The following ACTN3 variants were observed in gnomAD, a reference collection of about 807,000 sequenced individuals.
ACTN3 encodes alpha-actinin-3.
In ACTN3, 91 loss-of-function variants were observed where a neutral mutation model predicts 119.6. The observed-to-expected ratio is 0.76, with a 90% CI of 0.64 to 0.91. The LOEUF is 0.91. Ranked by LOEUF, ACTN3 falls within the 40% of genes least tolerant of loss-of-function variation. ACTN3 has a pLI of 0.00. For synonymous variants in ACTN3, 456 were observed against 478.8 expected, an observed-to-expected ratio of 0.95 and a Z score of 0.62; for missense variants, 1,221 against 1,215.1, an observed-to-expected ratio of 1.00 and a Z score of -0.07.
At chr11:66,559,078 C>T in intron 11 of ACTN3, 158 bp from the exon 12 acceptor site, 2 of 698,762 alleles carry the variant, frequency 2.9e-6, no homozygotes, top group South Asian at 5.5e-5. Flanking sequence ...AGGACTTTCA[C>T]CTACGTTATT....
At position 66,551,583 on chromosome 11, in the gene ACTN3, C is replaced by G; in HGVS notation, c.318C>G (p.Asn106Lys). ...KGKMRFHKIA[N>K]VNKALDFIAS... The stretch of plus-strand genomic sequence containing the variant: ...AGATGCGCTTCCACAAAATCGCCAA[C>G]GTTAACAAGGCCCTGGACTTCATTG... Residue 106 changes from asparagine to lysine, a missense_variant, in exon 3 of 21, where the codon AAC (asparagine) becomes AAG (lysine). Coordinates refer to ENST00000513398, the MANE Select transcript of ACTN3 (RefSeq NM_001104.4). The G allele has an allele frequency of 6.2e-7, 1 of 1,614,084 alleles. No individual in the cohort carries two copies. Among genetic ancestry groups the G allele is most frequent in the African/African-American group, 1.3e-5 (1 of 75,038 alleles).
rs972128921 is a variant in ACTN3 at position 66,554,126 on chromosome 11, T to C, written c.464T>C (p.Val155Ala). The C allele has an allele frequency of 1.3e-5, 21 of 1,613,408 alleles. No homozygotes were observed. The highest frequency in any genetic ancestry group is 8.3e-5 in the Admixed American group (5 of 59,940). Residue 155 changes from valine (V) to alanine (A), a missense_variant, in exon 4 of 21, where the codon GTG (valine) becomes GCG (alanine). Physicochemically the swap from Val to Ala is moderately conservative, Grantham distance 64 (BLOSUM62 0). Around this residue, in one of 3 missense-constraint regions of ACTN3, gnomAD observed 239 missense variants for 231.8 expected, o/e 1.03. Coordinates refer to ENST00000513398, the MANE Select transcript of ACTN3 (RefSeq NM_001104.4). ...ILRFAIQDISVEETSAKEGLL... is the reference protein window; with the variant it reads ...ILRFAIQDISAEETSAKEGLL... The stretch of plus-strand genomic sequence containing the variant: ...CGCTTCGCCATCCAGGACATCTCTG[T>C]GGAAGGTGAGCAATGGGAAAGGAGG...
In ACTN3 at chr11:66,551,307, T is replaced by C; in HGVS notation, c.216T>C (p.Asp72=). The C allele has an allele frequency of 6.2e-7, 1 of 1,612,188 alleles. No individual in the cohort carries two copies. The highest frequency in any genetic ancestry group is 8.5e-7 in the Non-Finnish European group (1 of 1,179,146). The change falls in exon 2 of 21, where the codon GAT becomes GAC. Residue 72 remains aspartate (D), a synonymous_variant. Coordinates refer to ENST00000513398, the MANE Select transcript of ACTN3 (RefSeq NM_001104.4). The part of the protein sequence containing the change: ...AGTQIENIEE[D]FRNGLKLMLL... Reference sequence around the variant, plus strand: ...CCCAGATCGAGAACATCGAGGAAGATTTCCGCAATGGCCTCAAACTCATGC... The same window carrying C: ...CCCAGATCGAGAACATCGAGGAAGACTTCCGCAATGGCCTCAAACTCATGC...
chr11:66,547,397 G>T (rs936378439), intron 1 of ACTN3, among the ~76,000 whole-genome samples: 1 of 141,308 alleles, frequency 7.1e-6, no homozygotes, highest in African/African-American at 3.1e-5. Context: ...CCAAGTTAGG[G>T]GGGGTTCAGA....
At chr11:66,559,464 T>A (rs1857691031) in intron 12 of ACTN3, 78 bp downstream of exon 12, 3 of 1,336,206 alleles carry the variant, frequency 2.2e-6, no homozygotes, top group Admixed American at 3.4e-5. Flanking sequence ...TGATCCCCAT[T>A]GCCCTTCTCA....
Position 66,562,335 on chromosome 11 carries a change from CA to C in ACTN3, c.2388+14del. On this transcript the variant is annotated intron_variant, in intron 19 of 20. Transcript: ENST00000513398. ...GGGCTATGACCTGGTGAGAGCTCCC[CA>C]GCTCCTTCCCAGGAGTCCCAAAGTA... 1 of 1,612,020 alleles carries C rather than the reference CA, an allele frequency of 6.2e-7. No individual in the cohort carries two copies. Among genetic ancestry groups the C allele is most frequent in the East Asian group, 2.2e-5 (1 of 44,878 alleles).
chr11:66,552,351 C>G (rs1391224034), intron 3 of ACTN3, among the ~76,000 whole-genome samples: 2 of 148,712 alleles, frequency 1.3e-5, no homozygotes, highest in Non-Finnish European at 3.0e-5. Flanking sequence ...GCCTGGGTGA[C>G]AGAGCTAGAC....
chr11:66,563,274 G>C lies in ACTN3; in HGVS notation c.*81G>C, dbSNP rs977617701. Reference sequence around the variant, plus strand: ...ATCCCATCCGTCCCTCGGAGCAAGGGCCTAAGAGAAAAGCCAGCCAAGTGC... The same window carrying C: ...ATCCCATCCGTCCCTCGGAGCAAGGCCCTAAGAGAAAAGCCAGCCAAGTGC... On this transcript the variant is annotated 3_prime_UTR_variant, in exon 21 of 21. Coordinates refer to ENST00000513398, the MANE Select transcript of ACTN3 (RefSeq NM_001104.4). 1 of 1,477,464 alleles carries C rather than the reference G, an allele frequency of 6.8e-7. No individual in the cohort carries two copies. Among genetic ancestry groups the C allele is most frequent in the African/African-American group, 1.4e-5 (1 of 71,080 alleles). The allele number at this position is 1,477,464 out of a possible 1,614,324, so 91.5% of individuals were successfully genotyped here.
At chr11:66,554,476 G>T in intron 4 of ACTN3, 60 bp from the exon 5 acceptor site, 31 of 1,123,356 alleles carry the variant, frequency 2.8e-5, no homozygotes, top group Non-Finnish European at 3.5e-5. Context: ...AAAAAAAGAA[G>T]TGTGAGAGGG....
intron 12 of ACTN3, 128 bp downstream of exon 12, chr11:66,559,514 T>A: frequency 1.0e-6 from 1 of 970,570 alleles, no homozygotes; most frequent in Non-Finnish European, 1.4e-6. Flanking sequence ...CCCGCCGTGG[T>A]ACCCAGGTCC....
chr11:66,554,130 A>G lies in ACTN3; in HGVS notation c.468A>G (p.Glu156=), dbSNP rs1206506843. 1 of 1,613,732 alleles carries G rather than the reference A, an allele frequency of 6.2e-7. No homozygotes were observed. Among genetic ancestry groups the G allele is most frequent in the Non-Finnish European group, 8.5e-7 (1 of 1,179,818 alleles). Residue 156 remains glutamate, a splice_region_variant and synonymous_variant, in exon 4 of 21, where the codon GAA becomes GAG. Coordinates refer to ENST00000513398, the MANE Select transcript of ACTN3 (RefSeq NM_001104.4). ...TCGCCATCCAGGACATCTCTGTGGA[A>G]GGTGAGCAATGGGAAAGGAGGTTGG... The part of the protein sequence containing the change: ...LRFAIQDISV[E]ETSAKEGLLL...
In ACTN3 at chr11:66,561,571, G is replaced by A. The variant is rs1182909386; in HGVS notation, c.2109G>A (p.Glu703=). The change falls in exon 17 of 21, where the codon GAG becomes GAA. Residue 703 remains glutamate (E), a synonymous_variant. Transcript: ENST00000513398. ...INYKTNIDRL[E]GDHQLLQESL... The stretch of plus-strand genomic sequence containing the variant: ...ACAAGACTAACATTGACCGGCTGGA[G>A]GGTGACCACCAGCTGCTGCAGGAGA... The A allele has an allele frequency of 2.5e-6, 4 of 1,612,812 alleles. No individual in the cohort carries two copies. Among genetic ancestry groups the A allele is most frequent in the Non-Finnish European group, 3.4e-6 (4 of 1,179,564 alleles).
chr11:66,555,403 TCTCCACACTGGGCCTGGTACAAC>T, intron 7 of ACTN3, 36 bp downstream of exon 7: 2 of 1,603,874 alleles, frequency 1.2e-6, no homozygotes, highest in South Asian at 2.2e-5. Context: ...GACCCCACAT[TCTCCACACTGGGCCTGGTACAAC>T]CTCCACACCT....
At chr11:66,554,230 G>A (rs910395357) in intron 4 of ACTN3, 99 bp downstream of exon 4, 17 of 916,302 alleles carry the variant, frequency 1.9e-5, no homozygotes, top group African/African-American at 8.7e-5. Flanking sequence ...TTGAAGGATC[G>A]CCCAGGAGTT....
At position 66,561,654 on chromosome 11, in the gene ACTN3, T is replaced by C. The variant is rs558890096; in HGVS notation, c.2175+17T>C. On this transcript the variant is annotated intron_variant, in intron 17 of 20. Coordinates refer to ENST00000513398, the MANE Select transcript of ACTN3 (RefSeq NM_001104.4). ...AGCATGGAGGTGGGATCACACCCTC[T>C]CAGGAGAGTGGGGAGGCAGCACTGG... 6.2e-7 allele frequency: 1 copy of C among 1,604,942 alleles called. No individual in the cohort carries two copies. The highest frequency in any genetic ancestry group is 8.5e-7 in the Non-Finnish European group (1 of 1,175,440).
rs755506435 is a variant in ACTN3 at position 66,555,169 on chromosome 11, A to T, written c.597A>T (p.Arg199=). The T allele has an allele frequency of 3.1e-6, 5 of 1,613,592 alleles. No individual in the cohort carries two copies. The Admixed American group carries it at 5.0e-5, about 16-fold the overall frequency. ...DGLALCALIH[R]HRPDLIDYAK... Reference sequence around the variant, plus strand: ...TGGCCCTCTGTGCCCTCATCCACCGACACCGCCCTGACCTCATCGACTACG... The same window carrying T: ...TGGCCCTCTGTGCCCTCATCCACCGTCACCGCCCTGACCTCATCGACTACG... The change falls in exon 6 of 21, where the codon CGA becomes CGT. Residue 199 remains arginine, a synonymous_variant. Transcript: ENST00000513398.
At chr11:66,562,431 C>T (rs1565310422) in intron 19 of ACTN3, 109 bp downstream of exon 19, 1 of 1,261,600 alleles carries the variant, frequency 7.9e-7, no homozygotes, top group Non-Finnish European at 1.2e-6. Flanking sequence ...TGCATCTTCA[C>T]TACATCCACA....
At chr11:66,552,293 C>T (rs954319321) in intron 3 of ACTN3, among the ~76,000 whole-genome samples, 7 of 151,912 alleles carry the variant, frequency 4.6e-5, no homozygotes, top group South Asian at 4.2e-4. Context: ...TCACTTGAAC[C>T]CGGGAGGCCG....
At chr11:66,555,056 G>A (rs1240283924) in intron 5 of ACTN3, 74 bp from the exon 6 acceptor site, 1 of 1,330,928 alleles carries the variant, frequency 7.5e-7, no homozygotes, top group Admixed American at 1.8e-5. Flanking sequence ...CCTTCTGGGG[G>A]GTGCTCCTGG....
Sources: allele counts gnomAD v4.1 joint callset (sites outside exome capture counted in the v4.1 genomes callset), GRCh38; gene constraint gnomAD v4.1.1; regional missense constraint gnomAD v4.1.1; transcripts MANE v1.5; gene names NCBI Gene and HGNC (gene_info 2026-07-23, HGNC 2026-07-21).